Variants in KLF8 observed in about 807,000 individuals in gnomAD.
KLF8 encodes Krueppel-like factor 8.
Under a neutral mutation model 18.2 loss-of-function variants are expected in KLF8, and 10 were observed. The ratio of observed to expected loss-of-function variants is 0.55; its 90% CI spans 0.34 to 0.93. KLF8 has a LOEUF of 0.93. KLF8 is among the 40% of genes least tolerant of loss of function. The pLI, the probability that KLF8 is intolerant of heterozygous loss-of-function variation, is 0.02. For missense variants in KLF8, 264 were observed against 277.9 expected (o/e 0.95, Z 0.36); for synonymous variants, 109 against 97.3 (o/e 1.12, Z -0.71).
chrX:56,190,505 C>T, the KLF8 span, among the ~76,000 whole-genome samples: 3 of 111,498 alleles, frequency 2.7e-5, no homozygotes, highest in African/African-American at 6.5e-5. Context: ...CAGAACATTT[C>T]ATCCAATGTC....
At chrX:56,074,371 C>G in the KLF8 span, among the ~76,000 whole-genome samples, 1 of 110,830 alleles carries the variant, frequency 9.0e-6, no homozygotes, top group Non-Finnish European at 1.9e-5. Flanking sequence ...ATTGCCAAAT[C>G]CAAGGTCATG....
chrX:56,184,986 C>A, the KLF8 span, among the ~76,000 whole-genome samples: 1 of 112,572 alleles, frequency 8.9e-6, no homozygotes, highest in Non-Finnish European at 1.9e-5. Flanking sequence ...TCCAAAGGAA[C>A]GCAGTTCCTT....
At chrX:56,181,172 A>G in the KLF8 span, among the ~76,000 whole-genome samples, 1 of 111,581 alleles carries the variant, frequency 9.0e-6, no homozygotes, top group Non-Finnish European at 1.9e-5. Flanking sequence ...TATATTTAGG[A>G]TAGTTAGCTC....
At chrX:56,195,082 C>T in the KLF8 span, among the ~76,000 whole-genome samples, 1 of 111,852 alleles carries the variant, frequency 8.9e-6, no homozygotes, top group African/African-American at 3.3e-5. Context: ...TGTAAGTCAC[C>T]AACATCAAAG....
the KLF8 span, among the ~76,000 whole-genome samples, chrX:56,151,261 A>T: frequency 2.7e-5 from 3 of 111,441 alleles, no homozygotes; most frequent in East Asian, 8.5e-4. Context: ...TAAGGTAGGG[A>T]TGTAGTCTTT....
the KLF8 span, among the ~76,000 whole-genome samples, chrX:56,197,548 A>G: frequency 8.9e-5 from 10 of 111,875 alleles, no homozygotes; most frequent in Admixed American, 6.6e-4. Flanking sequence ...GAAGAAGTTG[A>G]ATCCCTGAAT....
chrX:56,062,375 C>T, the KLF8 span, among the ~76,000 whole-genome samples: 1 of 111,151 alleles, frequency 9.0e-6, no homozygotes, highest in South Asian at 3.8e-4. Context: ...GTAAGGTAGG[C>T]CTGGTGGTGA....
At chrX:56,187,609 A>T in the KLF8 span, among the ~76,000 whole-genome samples, 1 of 111,862 alleles carries the variant, frequency 8.9e-6, no homozygotes, top group Non-Finnish European at 1.9e-5. Flanking sequence ...ATGAACATCG[A>T]TGCAAACTTC....
chrX:56,216,341 C>A, the KLF8 span, among the ~76,000 whole-genome samples: 1 of 110,076 alleles, frequency 9.1e-6, no homozygotes, highest in Non-Finnish European at 1.9e-5. Context: ...TGTTAAGTGG[C>A]TCCTCAACAA....
At chrX:56,039,966 C>A in the KLF8 span, among the ~76,000 whole-genome samples, 1 of 111,169 alleles carries the variant, frequency 9.0e-6, no homozygotes, top group Admixed American at 9.6e-5. Context: ...TATTCCTAGG[C>A]ATTTTATTAT....
At chrX:56,097,054 C>G in the KLF8 span, among the ~76,000 whole-genome samples, 322 of 110,863 alleles carry the variant, frequency 2.9e-3, no homozygotes, top group African/African-American at 9.9e-3. Flanking sequence ...AAAATTTCCC[C>G]AAAATATTAG....
the KLF8 span, among the ~76,000 whole-genome samples, chrX:56,040,800 C>CTTTTT: frequency 6.5e-3 from 39 of 6,036 alleles, 6 homozygotes; most frequent in Non-Finnish European, 0.012. Flanking sequence ...ATGATACCAG[C>CTTTTT]TTTTTTTTTT....
chrX:56,279,920 T>C (rs1486964078), intron 5 of KLF8, among the ~76,000 whole-genome samples: 1 of 112,044 alleles, frequency 8.9e-6, no homozygotes, highest in African/African-American at 3.2e-5. Context: ...TCCCTGGGAC[T>C]GAGGCAGCGA....
At chrX:56,117,140 G>A in the KLF8 span, among the ~76,000 whole-genome samples, 2 of 111,183 alleles carry the variant, frequency 1.8e-5, no homozygotes, top group South Asian at 7.8e-4. Flanking sequence ...GGGAAAAAAA[G>A]TAGAACTCTC....
At chrX:55,909,073 A>G in the KLF8 span, among the ~76,000 whole-genome samples, 1 of 111,283 alleles carries the variant, frequency 9.0e-6, no homozygotes, top group Non-Finnish European at 1.9e-5. Flanking sequence ...CCCTCCTGGC[A>G]TTCTTTCTTT....
chrX:55,985,433 A>G, the KLF8 span, among the ~76,000 whole-genome samples: 4 of 111,469 alleles, frequency 3.6e-5, no homozygotes, highest in Admixed American at 9.5e-5. Context: ...TCAGAATGGT[A>G]GTAGATGTTC....
At chrX:55,944,135 A>C in the KLF8 span, among the ~76,000 whole-genome samples, 3 of 110,858 alleles carry the variant, frequency 2.7e-5, no homozygotes, top group Middle Eastern at 4.6e-3. Context: ...GATTACATTT[A>C]TTGATTTGCG....
chrX:55,977,455 AGAGTT>A, the KLF8 span, among the ~76,000 whole-genome samples: 3 of 109,147 alleles, frequency 2.7e-5, no homozygotes, highest in Non-Finnish European at 5.7e-5. Flanking sequence ...AAATGTAGGT[AGAGTT>A]AACTGTCCTT....
At chrX:56,034,757 T>TTC in the KLF8 span, among the ~76,000 whole-genome samples, 106 of 65,184 alleles carry the variant, frequency 1.6e-3, no homozygotes, top group Non-Finnish European at 2.5e-3. Flanking sequence ...TCTTTTTTTT[T>TTC]TTTTTTTTTT....
Sources: gnomAD v4.1 joint callset for allele counts (sites outside exome capture counted in the v4.1 genomes callset) on GRCh38, gnomAD v4.1.1 for gene constraint, MANE v1.5 for transcripts, NCBI Gene and HGNC (gene_info 2026-07-23, HGNC 2026-07-21) for gene names.